Variants in FOXN3 observed in about 807,000 individuals in gnomAD.
The protein encoded by FOXN3 is forkhead box protein N3.
FOXN3 carries 7 observed loss-of-function variants against 38.4 expected under a neutral mutation model. The ratio of observed to expected loss-of-function variants is 0.18; its 90% CI spans 0.10 to 0.34. The LOEUF is 0.34. FOXN3 is among the 10% of genes least tolerant of loss of function. FOXN3 has a pLI of 1.00. For missense variants in FOXN3, 456 were observed against 613.4 expected (o/e 0.74, Z 2.71); for synonymous variants, 230 against 242.2 (o/e 0.95, Z 0.47).
chr14:89,476,688 G>C (rs1024906416), intron 1 of FOXN3, among the ~76,000 whole-genome samples: 1 of 152,208 alleles, frequency 6.6e-6, no homozygotes, highest in Non-Finnish European at 1.5e-5. Flanking sequence ...TTCGCAGGGG[G>C]TTGGGTCCGC....
At chr14:89,181,016 GCACA>G (rs149735845) in intron 4 of FOXN3, among the ~76,000 whole-genome samples, 3 of 149,142 alleles carry the variant, frequency 2.0e-5, no homozygotes, top group African/African-American at 4.9e-5. Flanking sequence ...TCATGCACGC[GCACA>G]CACACACACA....
intron 2 of FOXN3, chr14:89,351,132 T>A (rs899438745): frequency 5.7e-5 from 10 of 174,452 alleles, no homozygotes; most frequent in Non-Finnish European, 1.2e-4. Context: ...TGCATTCTCT[T>A]CTAAAAATGA....
chr14:89,238,434 A>T (rs1885043534), intron 4 of FOXN3, among the ~76,000 whole-genome samples: 1 of 152,222 alleles, frequency 6.6e-6, no homozygotes, highest in African/African-American at 2.4e-5. Context: ...ATCACGGAGG[A>T]GGACTTAAAT....
At chr14:89,179,968 AGCTAGAGGG>A (rs1294196178) in intron 5 of FOXN3, among the ~76,000 whole-genome samples, 1 of 152,248 alleles carries the variant, frequency 6.6e-6, no homozygotes, top group African/African-American at 2.4e-5. Context: ...TTCTGCAGAC[AGCTAGAGGG>A]GCACGGAGTT....
intron 1 of FOXN3, among the ~76,000 whole-genome samples, chr14:89,458,234 T>C (rs1892767627): frequency 6.6e-6 from 1 of 152,176 alleles, no homozygotes; most frequent in Non-Finnish European, 1.5e-5. Context: ...GAAATATCTG[T>C]AGTTTTCAGT....
At position 89,179,077 on chromosome 14, in the gene FOXN3, G is replaced by A. The variant is rs78804567; in HGVS notation, c.851+1624C>T. 3.9e-4 allele frequency among the ~76,000 whole-genome samples: 59 copies of A among 152,318 alleles called. No individual in the cohort carries two copies. In the East Asian group the frequency reaches 0.011, roughly 28 times the overall value. On this transcript the variant is annotated intron_variant, in intron 5 of 5. Coordinates refer to ENST00000557258, the MANE Select transcript of FOXN3 (RefSeq NM_005197.4). ...AAGAGCATTGGAATTTTGGCTTCAT[G>A]GAAAGAGGCTTACCACTTAGGAACT...
intron 1 of FOXN3, among the ~76,000 whole-genome samples, chr14:89,422,924 G>A (rs1317565739): frequency 7.2e-5 from 11 of 152,160 alleles, no homozygotes; most frequent in Admixed American, 2.0e-4. Flanking sequence ...TTGTCAAGCC[G>A]GCTGCTGGAG....
chr14:89,288,654 GTAATAGGCA>G (rs752612232), intron 3 of FOXN3, among the ~76,000 whole-genome samples: 14,840 of 68,970 alleles, frequency 0.22, 3,406 homozygotes, highest in East Asian at 0.43. Flanking sequence ...TCCAAAGGCT[GTAATAGGCA>G]CTCTCTTTCT....
chr14:89,273,235 G>T (rs925786480), intron 4 of FOXN3, among the ~76,000 whole-genome samples: 3 of 151,984 alleles, frequency 2.0e-5, no homozygotes, highest in African/African-American at 7.3e-5. Context: ...CCCCTCTTCC[G>T]AAGTCCAGCC....
chr14:89,279,762 A>G (rs1000138155), intron 4 of FOXN3, among the ~76,000 whole-genome samples: 2 of 152,236 alleles, frequency 1.3e-5, no homozygotes, highest in African/African-American at 4.8e-5. Flanking sequence ...TGTACGAAGC[A>G]AAAATACAAA....
At chr14:89,326,988 A>C (rs1292462321) in intron 3 of FOXN3, among the ~76,000 whole-genome samples, 1 of 152,192 alleles carries the variant, frequency 6.6e-6, no homozygotes, top group Non-Finnish European at 1.5e-5. Flanking sequence ...ACATGCTCAC[A>C]CACGCACCAC....
intron 2 of FOXN3, among the ~76,000 whole-genome samples, chr14:89,394,360 C>A (rs537240278): frequency 6.6e-6 from 1 of 151,874 alleles, no homozygotes; most frequent in East Asian, 1.9e-4. Context: ...CCCACCACCA[C>A]GCCCAGCTAA....
chr14:89,475,289 A>G (rs970253307), intron 1 of FOXN3, among the ~76,000 whole-genome samples: 7 of 152,258 alleles, frequency 4.6e-5, no homozygotes, highest in Admixed American at 1.3e-4. Flanking sequence ...TTGCAGTTAC[A>G]TTCATGTAAA....
rs76570311 is a variant in FOXN3, at chr14:89,320,473, G to C, written c.680+30199C>G. ...TTTCCGCAGAATCACCCACACACTG[G>C]TCCCTTGCTAGAGGCTAAATAAACC... On this transcript the variant is annotated intron_variant, in intron 3 of 5. Coordinates refer to ENST00000557258, the MANE Select transcript of FOXN3 (RefSeq NM_005197.4). Among the ~76,000 whole-genome samples the C allele has an allele frequency of 5.4e-3, 818 of 152,278 alleles. 3 individuals carry two copies. Among genetic ancestry groups the C allele is most frequent in the African/African-American group, 0.019 (798 of 41,558 alleles).
intron 3 of FOXN3, among the ~76,000 whole-genome samples, chr14:89,299,494 C>T (rs1382898344): frequency 1.3e-5 from 2 of 152,184 alleles, no homozygotes; most frequent in South Asian, 2.1e-4. Flanking sequence ...CTCTTTGGTG[C>T]ACTCCTGAGG....
At chr14:89,575,533 C>T (rs1895591599) in intron 1 of FOXN3, among the ~76,000 whole-genome samples, 1 of 152,190 alleles carries the variant, frequency 6.6e-6, no homozygotes, top group Non-Finnish European at 1.5e-5. Flanking sequence ...ACCCAGTCTG[C>T]AACTCATTGT....
chr14:89,589,228 G>T (rs1202403061), intron 1 of FOXN3, among the ~76,000 whole-genome samples: 1 of 152,040 alleles, frequency 6.6e-6, no homozygotes, highest in Non-Finnish European at 1.5e-5. Flanking sequence ...TGTATGAGAT[G>T]ATGTGTTTTC....
At chr14:89,419,168 A>T, upstream of FOXN3, 1 of 456,040 alleles carries the variant, frequency 2.2e-6, no homozygotes, top group Middle Eastern at 3.3e-4. Context: ...AGTTGCAGCA[A>T]GAGATGTGAG....
chr14:89,410,008 C>G (rs769468560), intron 2 of FOXN3, among the ~76,000 whole-genome samples: 3 of 152,192 alleles, frequency 2.0e-5, no homozygotes, highest in Non-Finnish European at 4.4e-5. Flanking sequence ...TCTGCACGCT[C>G]GACCCAGGCA....
Sources: allele counts gnomAD v4.1 joint callset (sites outside exome capture counted in the v4.1 genomes callset), GRCh38; gene constraint gnomAD v4.1.1; transcripts MANE v1.5; gene names NCBI Gene and HGNC (gene_info 2026-07-23, HGNC 2026-07-21).